The following ATP8B4 variants were observed in gnomAD, a reference collection of about 807,000 sequenced individuals.
ATP8B4 encodes the protein probable phospholipid-transporting ATPase IM.
ATP8B4 carries 133 observed loss-of-function variants against 145.6 expected under a neutral mutation model. The observed-to-expected ratio is 0.91, with a 90% CI of 0.79 to 1.05. The LOEUF (loss-of-function observed/expected upper bound fraction) is 1.05. Among genes scored for constraint, ATP8B4 ranks in the 50% least tolerant of loss-of-function variants. ATP8B4 has a pLI of 0.00. For missense variants in ATP8B4, 1,458 were observed against 1,425.2 expected, an observed-to-expected ratio of 1.02 and a Z score of -0.37; for synonymous variants, 507 against 492.9, an observed-to-expected ratio of 1.03 and a Z score of -0.38.
intron 14 of ATP8B4, among the ~76,000 whole-genome samples, chr15:49,951,615 C>T (rs2043111100): frequency 6.6e-6 from 1 of 152,152 alleles, no homozygotes; most frequent in South Asian, 2.1e-4. Context: ...CTCCTGAATA[C>T]AGCACACTAA....
At chr15:49,985,387 C>T (rs1352428143) in intron 10 of ATP8B4, among the ~76,000 whole-genome samples, 2 of 152,282 alleles carry the variant, frequency 1.3e-5, no homozygotes, top group Middle Eastern at 3.4e-3. Flanking sequence ...TGAGCCACCG[C>T]GCCCAGCAGA....
chr15:50,074,976 A>C (rs1184030637), intron 2 of ATP8B4, among the ~76,000 whole-genome samples: 2 of 152,186 alleles, frequency 1.3e-5, no homozygotes, highest in Non-Finnish European at 2.9e-5. Context: ...CTATGAGAAA[A>C]GAGTCAGCAA....
intron 9 of ATP8B4, among the ~76,000 whole-genome samples, chr15:49,993,649 G>A (rs1039614639): frequency 2.6e-5 from 4 of 151,806 alleles, no homozygotes; most frequent in Non-Finnish European, 5.9e-5. Flanking sequence ...TTCTTCTGAT[G>A]TTTTCTTAGA....
At chr15:49,957,799 T>C (rs533745365) in intron 14 of ATP8B4, among the ~76,000 whole-genome samples, 130 of 151,990 alleles carry the variant, frequency 8.6e-4, no homozygotes, top group African/African-American at 2.9e-3. Context: ...TTGGAATATA[T>C]ATGACCTATG....
intron 25 of ATP8B4, among the ~76,000 whole-genome samples, chr15:49,870,002 A>G (rs893171824): frequency 6.6e-6 from 1 of 152,222 alleles, no homozygotes; most frequent in African/African-American, 2.4e-5. Context: ...TTCTAACCCC[A>G]GAAGTCTCAT....
chr15:49,954,048 GTGAAGGATTCACATGCTTAT>G (rs1288290745), intron 14 of ATP8B4, among the ~76,000 whole-genome samples: 1 of 151,672 alleles, frequency 6.6e-6, no homozygotes, highest in Non-Finnish European at 1.5e-5. Flanking sequence ...TTGGTTGCCG[GTGAAGGATTCACATGCTTAT>G]TATGGCTTTT....
At chr15:50,006,491 A>G (rs1418871498) in intron 7 of ATP8B4, among the ~76,000 whole-genome samples, 3 of 142,968 alleles carry the variant, frequency 2.1e-5, no homozygotes, top group Non-Finnish European at 3.1e-5. Flanking sequence ...GAGACCACCA[A>G]AAAAAAAAAA....
At chr15:50,066,070 A>T (rs2153628289) in intron 3 of ATP8B4, among the ~76,000 whole-genome samples, 1 of 152,034 alleles carries the variant, frequency 6.6e-6, no homozygotes, top group Non-Finnish European at 1.5e-5. Flanking sequence ...ACGAATGCTT[A>T]GCCAAAGAAT....
At chr15:49,968,555 A>T (rs1444730414) in intron 13 of ATP8B4, among the ~76,000 whole-genome samples, 1 of 152,252 alleles carries the variant, frequency 6.6e-6, no homozygotes, top group Non-Finnish European at 1.5e-5. Context: ...AAAGGGATCA[A>T]TGCAACAAGA....
Position 49,862,359 on chromosome 15 carries a change from G to A in ATP8B4, c.3183C>T (p.Ser1061=). Residue 1061 remains serine, a synonymous_variant, in exon 27 of 28, where the codon TCC becomes TCT. Transcript: ENST00000284509. The stretch of plus-strand genomic sequence containing the variant: ...CAAGCCAGATGCACTTCTGGGTCAG[G>A]GAATGTCGTGCATTACCTATCAATC... ...QFPFVGNARH[S]LTQKCIWLVI... 12 of 1,613,576 alleles carry A rather than the reference G, an allele frequency of 7.4e-6. No homozygotes were observed. The highest frequency in any genetic ancestry group is 8.5e-6 in the Non-Finnish European group (10 of 1,179,640).
At chr15:49,880,808 C>T (rs916955172) in intron 23 of ATP8B4, 3 of 148,856 alleles carry the variant, frequency 2.0e-5, no homozygotes, top group Non-Finnish European at 4.5e-5. Flanking sequence ...TGTTTAACAA[C>T]AGGCTAAAAA....
In ATP8B4 at chr15:49,890,238, A is replaced by ATAT. The variant is rs371340968; in HGVS notation, c.2697+7051_2697+7053dup. On this transcript the variant is annotated intron_variant, in intron 23 of 27. Transcript: ENST00000284509. ...CAGACCACAGGTTCTGCATTGGACAATATGTGTGAGAGTCTCACTGCTGTC... is the reference window on the plus strand; with the variant it reads ...CAGACCACAGGTTCTGCATTGGACAATATTATGTGTGAGAGTCTCACTGCTGTC... 2.0e-3 allele frequency among the ~76,000 whole-genome samples: 305 copies of ATAT among 152,268 alleles called. 1 individual carries two copies. Among genetic ancestry groups the ATAT allele is most frequent in the African/African-American group, 6.8e-3 (282 of 41,554 alleles).
rs60012082 is a variant in ATP8B4, at chr15:49,884,613, G to GAAAAAA, written c.2698-5160_2698-5155dup. 5.9e-4 allele frequency among the ~76,000 whole-genome samples: 69 copies of GAAAAAA among 117,598 alleles called. 2 individuals are homozygous for GAAAAAA. Among genetic ancestry groups the GAAAAAA allele is most frequent in the Middle Eastern group, 5.1e-3 (1 of 196 alleles). The allele number at this position is 117,598 out of a possible 152,430, so 77.1% of individuals were successfully genotyped here. ...GTGAAATCCTGTCTCCAAAAAAAAA[G>GAAAAAA]AAAAAAAAAAAAAAAAAAGAAAGTT... On this transcript the variant is annotated intron_variant, in intron 23 of 27. Coordinates refer to ENST00000284509, the MANE Select transcript of ATP8B4 (RefSeq NM_024837.4).
intron 23 of ATP8B4, among the ~76,000 whole-genome samples, chr15:49,881,349 C>CT (rs771344623): frequency 7.9e-5 from 12 of 152,076 alleles, no homozygotes; most frequent in African/African-American, 2.2e-4. Flanking sequence ...TATTAACTGT[C>CT]TTTTATTTTT....
intron 6 of ATP8B4, among the ~76,000 whole-genome samples, chr15:50,023,352 T>C (rs371284978): frequency 6.6e-6 from 1 of 152,318 alleles, no homozygotes; most frequent in East Asian, 1.9e-4. Flanking sequence ...TTAGGTACAT[T>C]TGGGTAAAAC....
At chr15:49,948,524 C>A (rs978499633) in intron 14 of ATP8B4, among the ~76,000 whole-genome samples, 26 of 152,102 alleles carry the variant, frequency 1.7e-4, no homozygotes, top group African/African-American at 5.6e-4. Context: ...GAAATATGTG[C>A]AGATCATATA....
At chr15:49,918,585 T>A (rs571797838) in intron 19 of ATP8B4, among the ~76,000 whole-genome samples, 1 of 152,338 alleles carries the variant, frequency 6.6e-6, no homozygotes, top group African/African-American at 2.4e-5. Flanking sequence ...CTAGGTGTAA[T>A]GATTATATTC....
intron 23 of ATP8B4, among the ~76,000 whole-genome samples, chr15:49,890,734 T>G (rs1397693595): frequency 1.3e-5 from 2 of 152,244 alleles, no homozygotes; most frequent in African/African-American, 4.8e-5. Context: ...CAGTTAAACC[T>G]GTTGCTAATC....
intron 2 of ATP8B4, among the ~76,000 whole-genome samples, chr15:50,083,745 C>A (rs2054710679): frequency 6.6e-6 from 1 of 152,190 alleles, no homozygotes; most frequent in Non-Finnish European, 1.5e-5. Context: ...GTATTGGTTT[C>A]TGCATCTCAG....
Sources: gnomAD v4.1 joint callset for allele counts (sites outside exome capture counted in the v4.1 genomes callset) on GRCh38, gnomAD v4.1.1 for gene constraint, MANE v1.5 for transcripts, NCBI Gene and HGNC (gene_info 2026-07-23, HGNC 2026-07-21) for gene names.